Variants in CDK8 observed in about 807,000 individuals in gnomAD.
CDK8 encodes cyclin-dependent kinase 8.
A neutral mutation model predicts 71.5 loss-of-function variants in CDK8; 29 were observed. The ratio of observed to expected loss-of-function variants is 0.41; its 90% CI spans 0.30 to 0.55. CDK8 has a LOEUF of 0.55. Ranked by LOEUF, CDK8 falls within the 20% of genes least tolerant of loss-of-function variation. CDK8 has a pLI of 0.37. For missense variants in CDK8, 288 were observed against 572.6 expected, an observed-to-expected ratio of 0.50 and a Z score of 5.07; for synonymous variants, 161 against 192.1, an observed-to-expected ratio of 0.84 and a Z score of 1.34.
intron 1 of CDK8, among the ~76,000 whole-genome samples, chr13:26,330,690 G>C (rs1008255632): frequency 6.6e-6 from 1 of 151,190 alleles, no homozygotes; most frequent in Non-Finnish European, 1.5e-5. Flanking sequence ...GTCTTTTCGC[G>C]TCTGGCTTAT....
At chr13:26,282,894 C>T (rs973499228) in intron 1 of CDK8, among the ~76,000 whole-genome samples, 11 of 151,924 alleles carry the variant, frequency 7.2e-5, no homozygotes, top group Admixed American at 2.0e-4. Flanking sequence ...AAATGGAAGC[C>T]AAAAGCAAGC....
At chr13:26,271,667 G>GGGCTT (rs1183018113) in intron 1 of CDK8, among the ~76,000 whole-genome samples, 1 of 151,984 alleles carries the variant, frequency 6.6e-6, no homozygotes, top group Non-Finnish European at 1.5e-5. Flanking sequence ...AAAATTAACT[G>GGGCTT]GGCTTGGTGG....
rs572261109 is a variant in CDK8, at chr13:26,263,761, T to C, written c.128+8992T>C. On this transcript the variant is annotated intron_variant, in intron 1 of 12. Coordinates refer to ENST00000381527, the MANE Select transcript of CDK8 (RefSeq NM_001260.3). ...GCTAAAAGACTCCCTTTTTTTTTTT[T>C]TTCGAGACGGAGTCTCGCTATGTCA... Among the ~76,000 whole-genome samples, 950 of 146,222 alleles carry C rather than the reference T, an allele frequency of 6.5e-3. 12 individuals carry two copies. Among genetic ancestry groups the C allele is most frequent in the African/African-American group, 0.022 (853 of 39,236 alleles).
At chr13:26,324,300 A>G (rs1448385335) in intron 1 of CDK8, among the ~76,000 whole-genome samples, 3 of 152,192 alleles carry the variant, frequency 2.0e-5, no homozygotes, top group African/African-American at 7.2e-5. Context: ...TTTTTCAACA[A>G]CTAGCATTCA....
intron 6 of CDK8, among the ~76,000 whole-genome samples, chr13:26,387,531 T>C (rs1257441381): frequency 6.6e-6 from 1 of 152,194 alleles, no homozygotes; most frequent in East Asian, 1.9e-4. Flanking sequence ...CCTCCAACTT[T>C]TGGCCCATGC....
At chr13:26,268,172 A>G (rs891576812) in intron 1 of CDK8, among the ~76,000 whole-genome samples, 1 of 152,000 alleles carries the variant, frequency 6.6e-6, no homozygotes, top group African/African-American at 2.4e-5. Flanking sequence ...TATAGTAATG[A>G]CATGTTTGAA....
chr13:26,369,709 C>CTTTTTTTTTTTT (rs36116401), intron 4 of CDK8, among the ~76,000 whole-genome samples: 14 of 95,378 alleles, frequency 1.5e-4, no homozygotes, highest in African/African-American at 2.8e-4. Flanking sequence ...TTCTTTCTTT[C>CTTTTTTTTTTTT]TTTTTTTTTT....
intron 7 of CDK8, among the ~76,000 whole-genome samples, 163 bp downstream of exon 7, chr13:26,393,673 G>T (rs1593310572): frequency 6.6e-6 from 1 of 152,116 alleles, no homozygotes; most frequent in Non-Finnish European, 1.5e-5. Flanking sequence ...AGCAAAATTT[G>T]TAGAGTTTAC....
At chr13:26,291,796 G>A (rs987840208) in intron 1 of CDK8, among the ~76,000 whole-genome samples, 2 of 152,020 alleles carry the variant, frequency 1.3e-5, no homozygotes, top group African/African-American at 4.8e-5. Context: ...ATCTTCATAG[G>A]AACTCTTAGA....
chr13:26,268,256 A>AACAC (rs3027999), intron 1 of CDK8, among the ~76,000 whole-genome samples: 2,690 of 116,734 alleles, frequency 0.023, 111 homozygotes, highest in African/African-American at 0.064. Flanking sequence ...CCCCTCCCCC[A>AACAC]ACACACACAC....
chr13:26,357,302 G>A (rs1873935358), intron 4 of CDK8, among the ~76,000 whole-genome samples: 2 of 152,144 alleles, frequency 1.3e-5, no homozygotes, highest in Admixed American at 1.3e-4. Context: ...ATGTATGGGT[G>A]TTTTAAGAAA....
rs1872834467 is a variant in CDK8 at position 26,333,235 on chromosome 13, G to A, written c.129-4332G>A. On this transcript the variant is annotated intron_variant, in intron 1 of 12. Transcript: ENST00000381527. ...GCTCACTGCAACCTCTACCTCCTGG[G>A]TTCAAGCAATTCTTCTACCTCAGCT... Among the ~76,000 whole-genome samples, 8 of 151,878 alleles carry A rather than the reference G, an allele frequency of 5.3e-5. No homozygotes were observed. In the South Asian group the frequency reaches 1.7e-3, roughly 32 times the overall value.
At chr13:26,334,559 A>G (rs1872897078) in intron 1 of CDK8, among the ~76,000 whole-genome samples, 1 of 152,178 alleles carries the variant, frequency 6.6e-6, no homozygotes. Context: ...TTTACTAGAT[A>G]TATGCTGTAA....
intron 1 of CDK8, among the ~76,000 whole-genome samples, chr13:26,310,302 G>C (rs1874225242): frequency 6.6e-6 from 1 of 152,126 alleles, no homozygotes; most frequent in African/African-American, 2.4e-5. Flanking sequence ...GAGCCGTTAA[G>C]TTTTTAACTT....
chr13:26,364,645 A>G, intron 4 of CDK8, among the ~76,000 whole-genome samples: 1 of 152,144 alleles, frequency 6.6e-6, no homozygotes, highest in East Asian at 1.9e-4. Flanking sequence ...AAAGTGTTTT[A>G]ATCTGGATCA....
chr13:26,380,816 G>A (rs1201934584), intron 4 of CDK8, among the ~76,000 whole-genome samples: 1 of 152,114 alleles, frequency 6.6e-6, no homozygotes, highest in Non-Finnish European at 1.5e-5. Context: ...AAAACATAGC[G>A]AAAGCCAAGA....
intron 3 of CDK8, 21 bp from the exon 4 acceptor site, chr13:26,353,719 A>T: frequency 6.4e-7 from 1 of 1,574,138 alleles, no homozygotes; most frequent in Non-Finnish European, 8.7e-7. Context: ...GCTTCTGTTG[A>T]TATTTTTTTC....
At chr13:26,324,797 A>G in intron 1 of CDK8, 1 of 887,840 alleles carries the variant, frequency 1.1e-6, no homozygotes, top group Non-Finnish European at 1.3e-6. Flanking sequence ...TGACTTTGGG[A>G]AGATAATTTA....
intron 1 of CDK8, among the ~76,000 whole-genome samples, chr13:26,319,400 C>T (rs1440712480): frequency 9.3e-5 from 14 of 150,856 alleles, no homozygotes; most frequent in South Asian, 2.1e-4. Flanking sequence ...ACTCGGGAGG[C>T]GGAGGTTGCA....
Sources: gnomAD v4.1 joint callset for allele counts (sites outside exome capture counted in the v4.1 genomes callset) on GRCh38, gnomAD v4.1.1 for gene constraint, MANE v1.5 for transcripts, NCBI Gene and HGNC (gene_info 2026-07-23, HGNC 2026-07-21) for gene names.